The following C2orf80 variants were observed in gnomAD, a reference collection of about 807,000 sequenced individuals.
C2orf80 encodes the protein chromosome 2 open reading frame 80, also known as uncharacterized protein C2orf80.
In C2orf80, 28 loss-of-function variants were observed where a neutral mutation model predicts 30.2. That is an observed-to-expected ratio of 0.93 (90% CI 0.69 to 1.27). The LOEUF is 1.27. Among genes scored for constraint, C2orf80 ranks in the 50% most tolerant of loss-of-function variants. C2orf80 has a pLI of 0.00. For missense variants in C2orf80, 220 were observed against 231.0 expected (o/e 0.95, Z 0.31); for synonymous variants, 80 against 76.4 (o/e 1.05, Z -0.24).
intron 6 of C2orf80, among the ~76,000 whole-genome samples, chr2:208,176,963 A>ATG (rs1559340594): frequency 2.8e-5 from 1 of 36,166 alleles, no homozygotes; most frequent in Non-Finnish European, 6.0e-5. Context: ...CTGTATACAT[A>ATG]TGTATACATA....
intron 6 of C2orf80, among the ~76,000 whole-genome samples, chr2:208,173,845 A>G (rs998007572): frequency 2.0e-4 from 30 of 152,220 alleles, no homozygotes; most frequent in African/African-American, 6.0e-4. Flanking sequence ...CATTTTACAC[A>G]CTTGGATTTG....
chr2:208,173,144 A>AAC (rs1553596267), intron 6 of C2orf80, among the ~76,000 whole-genome samples: 53 of 131,314 alleles, frequency 4.0e-4, no homozygotes, highest in African/African-American at 1.5e-3. Flanking sequence ...AAAAAAAAAA[A>AAC]CTCAAGTGCC....
chr2:208,187,498 C>G (rs1174173521), intron 1 of C2orf80, among the ~76,000 whole-genome samples: 1 of 152,090 alleles, frequency 6.6e-6, no homozygotes, highest in Non-Finnish European at 1.5e-5. Flanking sequence ...TCTACACTCT[C>G]CTATTGCCAG....
intron 8 of C2orf80, among the ~76,000 whole-genome samples, chr2:208,170,287 T>C (rs897495257): frequency 1.3e-5 from 2 of 152,176 alleles, no homozygotes; most frequent in Admixed American, 6.5e-5. Context: ...GAGAAGTCTC[T>C]CTGACTTCTT....
rs1696116555 is a variant in C2orf80, at chr2:208,172,019, T to A, written c.423A>T (p.Ala141=). 1.9e-6 allele frequency: 3 copies of A among 1,614,008 alleles called. No individual in the cohort carries two copies. Among genetic ancestry groups the A allele is most frequent in the Non-Finnish European group, 2.5e-6 (3 of 1,179,906 alleles). Residue 141 remains alanine, a synonymous_variant, in exon 7 of 9, where the codon GCA becomes GCT. Coordinates refer to ENST00000341287, the MANE Select transcript of C2orf80 (RefSeq NM_001099334.3). ...LSLHPFAMLT[A]PKAAAYARKQ... is the part of the protein sequence containing the mutation. ...TGCGGGCGTATGCTGCTGCTTTGGGTGCTGTTAACATGGCAAAGGGGTGCA... is the reference window on the plus strand; with the variant it reads ...TGCGGGCGTATGCTGCTGCTTTGGGAGCTGTTAACATGGCAAAGGGGTGCA...
chr2:208,187,192 T>A (rs1696743757), intron 1 of C2orf80, 131 bp from the exon 2 acceptor site: 2 of 539,160 alleles, frequency 3.7e-6, no homozygotes, highest in Admixed American at 6.6e-5. Context: ...AGGTTCAGGG[T>A]CAAAAAGCCA....
intron 6 of C2orf80, among the ~76,000 whole-genome samples, chr2:208,172,721 A>G (rs551035270): frequency 1.3e-5 from 2 of 152,328 alleles, no homozygotes; most frequent in South Asian, 4.1e-4. Flanking sequence ...GTTTAGCTTT[A>G]TGTAGAGAGT....
At chr2:208,169,268 A>AG (rs1553595410) in intron 8 of C2orf80, among the ~76,000 whole-genome samples, 2 of 10,612 alleles carry the variant, frequency 1.9e-4, no homozygotes, top group Non-Finnish European at 2.9e-4. Context: ...TAAAGTCTAG[A>AG]TTGTGTGTGT....
At chr2:208,179,422 C>T (rs1230324337) in intron 6 of C2orf80, among the ~76,000 whole-genome samples, 1 of 152,196 alleles carries the variant, frequency 6.6e-6, no homozygotes, top group East Asian at 1.9e-4. Context: ...CAGCCTTGCC[C>T]CTGCCCTGCC....
At chr2:208,172,610 A>T (rs1416398767) in intron 6 of C2orf80, among the ~76,000 whole-genome samples, 3 of 152,200 alleles carry the variant, frequency 2.0e-5, no homozygotes, top group Admixed American at 6.5e-5. Context: ...CCACAGTGAA[A>T]TACCATAATA....
At chr2:208,171,407 G>C (rs1207219356) in intron 7 of C2orf80, among the ~76,000 whole-genome samples, 5 of 151,872 alleles carry the variant, frequency 3.3e-5, no homozygotes, top group Non-Finnish European at 1.5e-5. Context: ...TGCAACCTCT[G>C]CCTCCCAGAT....
intron 4 of C2orf80, 25 bp from the exon 5 acceptor site, chr2:208,181,330 T>C: frequency 2.1e-6 from 3 of 1,462,898 alleles, no homozygotes; most frequent in Non-Finnish European, 1.9e-6. Flanking sequence ...GAAATACAAG[T>C]GGAAGATTTA....
intron 8 of C2orf80, among the ~76,000 whole-genome samples, chr2:208,170,256 C>T (rs947911885): frequency 3.3e-5 from 5 of 152,184 alleles, no homozygotes; most frequent in Admixed American, 3.3e-4. Context: ...TCTCCCCGCT[C>T]AGCTTTTATT....
intron 6 of C2orf80, among the ~76,000 whole-genome samples, chr2:208,176,187 T>C (rs1427572831): frequency 6.6e-6 from 1 of 152,228 alleles, no homozygotes; most frequent in Non-Finnish European, 1.5e-5. Context: ...GAGACATTTT[T>C]TTTTTTGAGA....
chr2:208,165,498 C>A lies in C2orf80; in HGVS notation c.*309G>T. On this transcript the variant is annotated 3_prime_UTR_variant, in exon 9 of 9. Coordinates refer to ENST00000341287, the MANE Select transcript of C2orf80 (RefSeq NM_001099334.3). The stretch of plus-strand genomic sequence containing the variant: ...TCACTGTGCAATATTCAATGCCACA[C>A]ATTTGTAAAATGTGCTACAAAGCCA... 1 of 283,552 alleles carries A rather than the reference C, an allele frequency of 3.5e-6. No homozygotes were observed. 17.6% of individuals were successfully genotyped at this position (283,552 alleles called of 1,614,324 possible).
At chr2:208,182,935 G>A (rs754681968) in intron 4 of C2orf80, 30 bp downstream of exon 4, 3 of 1,542,104 alleles carry the variant, frequency 1.9e-6, no homozygotes, top group South Asian at 2.2e-5. Flanking sequence ...ACAAATTAAA[G>A]AGGAAAGCAA....
At chr2:208,179,379 A>G (rs1425414141) in intron 6 of C2orf80, among the ~76,000 whole-genome samples, 2 of 152,202 alleles carry the variant, frequency 1.3e-5, no homozygotes. Context: ...ACCTGCAGTA[A>G]AAGAATAAGG....
chr2:208,172,420 G>A (rs541259820), intron 6 of C2orf80, among the ~76,000 whole-genome samples: 14 of 152,070 alleles, frequency 9.2e-5, no homozygotes, highest in African/African-American at 2.9e-4. Flanking sequence ...GACCCCTTCC[G>A]AGAAATGTAT....
At chr2:208,167,874 C>T (rs1178437424) in intron 8 of C2orf80, among the ~76,000 whole-genome samples, 3 of 58,212 alleles carry the variant, frequency 5.2e-5, no homozygotes, top group African/African-American at 1.9e-4. Flanking sequence ...TCGTGCCTGG[C>T]TGTGATTTTT....
Sources: allele counts gnomAD v4.1 joint callset (sites outside exome capture counted in the v4.1 genomes callset), GRCh38; gene constraint gnomAD v4.1.1; transcripts MANE v1.5; gene names NCBI Gene and HGNC (gene_info 2026-07-23, HGNC 2026-07-21).